SRPK2: variants seen among roughly 807,000 people sequenced by gnomAD.
The protein encoded by SRPK2 is SRSF protein kinase 2, also known as SFRS protein kinase 2.
Under a neutral mutation model 90.8 loss-of-function variants are expected in SRPK2, and 21 were observed. The observed-to-expected ratio is 0.23, with a 90% CI of 0.16 to 0.33. SRPK2 has a LOEUF of 0.33. Among genes scored for constraint, SRPK2 ranks in the 10% least tolerant of loss-of-function variants. The pLI is 1.00. For missense variants in SRPK2, 620 were observed against 869.0 expected, an observed-to-expected ratio of 0.71 and a Z score of 3.60; for synonymous variants, 288 against 311.1, an observed-to-expected ratio of 0.93 and a Z score of 0.78.
chr7:105,319,233 A>G (rs1435159878), intron 2 of SRPK2, among the ~76,000 whole-genome samples: 1 of 152,196 alleles, frequency 6.6e-6, no homozygotes. Context: ...ACAGTTTTTC[A>G]TCACTGCAAA....
intron 2 of SRPK2, among the ~76,000 whole-genome samples, chr7:105,276,117 T>C (rs2130703229): frequency 6.6e-6 from 1 of 152,164 alleles, no homozygotes; most frequent in South Asian, 2.1e-4. Context: ...AGTCTTGCTC[T>C]GTCACCGAAG....
chr7:105,316,361 G>T (rs1029431527), intron 2 of SRPK2, among the ~76,000 whole-genome samples: 4 of 152,112 alleles, frequency 2.6e-5, no homozygotes, highest in Non-Finnish European at 4.4e-5. Flanking sequence ...AACTTCGGTA[G>T]TATATTCACC....
chr7:105,219,083 C>A lies in SRPK2; in HGVS notation c.72-15298G>T, dbSNP rs758334305. 3.9e-5 allele frequency among the ~76,000 whole-genome samples: 6 copies of A among 151,968 alleles called. No individual in the cohort carries two copies. The South Asian group carries it at 1.2e-3, about 32-fold the overall frequency. On this transcript the variant is annotated intron_variant, in intron 2 of 15. Transcript: ENST00000393651. ...AGAGCTTCAGCACTACAACCAGGGG[C>A]GGGGGAGACATTCTGGGGGATGATG... is the stretch of plus-strand genomic sequence containing the variant.
chr7:105,197,029 A>AAG (rs1795001866), intron 3 of SRPK2, among the ~76,000 whole-genome samples: 1 of 152,158 alleles, frequency 6.6e-6, no homozygotes, highest in South Asian at 2.1e-4. Flanking sequence ...CCTGGGTGAC[A>AAG]AGAGTGAAAC....
chr7:105,273,109 G>A (rs771585081), intron 2 of SRPK2, among the ~76,000 whole-genome samples: 8 of 151,934 alleles, frequency 5.3e-5, no homozygotes, highest in Non-Finnish European at 7.4e-5. Context: ...CAGCTACTCA[G>A]GAGGCTGAGG....
intron 1 of SRPK2, among the ~76,000 whole-genome samples, chr7:105,394,474 T>A (rs779825240): frequency 2.0e-5 from 3 of 152,186 alleles, no homozygotes; most frequent in Non-Finnish European, 2.9e-5. Context: ...TAGCCTAACA[T>A]TAAAACCCAT....
At chr7:105,292,244 C>CGTGA (rs1013991922) in intron 2 of SRPK2, among the ~76,000 whole-genome samples, 1 of 152,142 alleles carries the variant, frequency 6.6e-6, no homozygotes, top group Non-Finnish European at 1.5e-5. Context: ...TGGTGGCTCA[C>CGTGA]ACCTGTAATT....
At chr7:105,239,895 T>C (rs1800592900) in intron 2 of SRPK2, among the ~76,000 whole-genome samples, 1 of 152,186 alleles carries the variant, frequency 6.6e-6, no homozygotes, top group Non-Finnish European at 1.5e-5. Flanking sequence ...ACAGGCTATT[T>C]TCTTACCTCT....
chr7:105,170,995 G>GAGAA lies in SRPK2; in HGVS notation c.230-1734_230-1731dup, dbSNP rs1221221567. 9.5e-4 allele frequency among the ~76,000 whole-genome samples: 112 copies of GAGAA among 117,870 alleles called. 6 individuals are homozygous for GAGAA. Among genetic ancestry groups the GAGAA allele is most frequent in the East Asian group, 7.6e-3 (28 of 3,684 alleles). The allele number at this position is 117,870 out of a possible 152,430, so 77.3% of individuals were successfully genotyped here. ...AAAGAAAGAGAAAGAAAGAAAGAAA[G>GAGAA]AGAAAGAAAGAAAGAAAGAGAGGAA... On this transcript the variant is annotated intron_variant, in intron 3 of 15. Transcript: ENST00000393651.
chr7:105,170,777 A>ACGGG (rs1790734619), intron 3 of SRPK2, among the ~76,000 whole-genome samples: 2 of 92,998 alleles, frequency 2.2e-5, no homozygotes, highest in East Asian at 3.6e-4. Flanking sequence ...GGAAGGAAGG[A>ACGGG]AGGACGGGAG....
At chr7:105,323,503 C>T (rs545054280) in intron 2 of SRPK2, among the ~76,000 whole-genome samples, 1 of 152,290 alleles carries the variant, frequency 6.6e-6, no homozygotes, top group South Asian at 2.1e-4. Flanking sequence ...GTGTTTGAGA[C>T]ACTGTAGGCA....
At chr7:105,346,046 G>C (rs1199603816) in intron 2 of SRPK2, among the ~76,000 whole-genome samples, 1 of 152,182 alleles carries the variant, frequency 6.6e-6, no homozygotes, top group African/African-American at 2.4e-5. Flanking sequence ...TTTTAAAAAA[G>C]AGTGCAAAAT....
intron 2 of SRPK2, among the ~76,000 whole-genome samples, chr7:105,296,277 A>C (rs930191092): frequency 6.6e-6 from 1 of 152,210 alleles, no homozygotes; most frequent in African/African-American, 2.4e-5. Context: ...ACAGAGAAGC[A>C]AGAAAGTGGA....
intron 2 of SRPK2, among the ~76,000 whole-genome samples, chr7:105,225,953 G>A (rs1172965425): frequency 6.6e-6 from 1 of 152,144 alleles, no homozygotes; most frequent in Non-Finnish European, 1.5e-5. Context: ...AGCCACATGC[G>A]GGGGTTAGCA....
intron 1 of SRPK2, among the ~76,000 whole-genome samples, chr7:105,396,981 A>G (rs1298747408): frequency 6.6e-6 from 1 of 151,816 alleles, no homozygotes; most frequent in Non-Finnish European, 1.5e-5. Context: ...TTATTTTTTT[A>G]TTTTTATTTT....
At chr7:105,125,994 G>C in intron 15 of SRPK2, 1 of 650,970 alleles carries the variant, frequency 1.5e-6, no homozygotes, top group Non-Finnish European at 2.6e-6. Flanking sequence ...ATGACCAAAA[G>C]TACAGGCCTT....
intron 7 of SRPK2, among the ~76,000 whole-genome samples, chr7:105,152,439 C>G (rs1009173790): frequency 9.2e-5 from 14 of 152,190 alleles, no homozygotes; most frequent in African/African-American, 2.9e-4. Context: ...CGTGAGCCAC[C>G]ATGCCTGGCC....
At chr7:105,312,261 G>A (rs920583928) in intron 2 of SRPK2, among the ~76,000 whole-genome samples, 1 of 152,016 alleles carries the variant, frequency 6.6e-6, no homozygotes, top group Non-Finnish European at 1.5e-5. Flanking sequence ...ACAATATAGT[G>A]AAACTACGTC....
chr7:105,367,663 G>T (rs1312177680), intron 2 of SRPK2, among the ~76,000 whole-genome samples: 2 of 152,142 alleles, frequency 1.3e-5, no homozygotes, highest in Non-Finnish European at 2.9e-5. Flanking sequence ...ATATACTACA[G>T]TTAATTCCAT....
Sources: allele counts gnomAD v4.1 joint callset (sites outside exome capture counted in the v4.1 genomes callset), GRCh38; gene constraint gnomAD v4.1.1; transcripts MANE v1.5; gene names NCBI Gene and HGNC (gene_info 2026-07-23, HGNC 2026-07-21).